Variants in PIWIL2 observed in about 807,000 individuals in gnomAD.
PIWIL2 encodes the protein piwi like RNA-mediated gene silencing 2.
PIWIL2 carries 81 observed loss-of-function variants against 116.5 expected under a neutral mutation model. That is an observed-to-expected ratio of 0.70 (90% confidence interval 0.58 to 0.84). The LOEUF (loss-of-function observed/expected upper bound fraction) is 0.84, where lower values mean the gene tolerates loss of function less well. Ranked by LOEUF, PIWIL2 falls within the 40% of genes least tolerant of loss-of-function variation. The pLI, the probability that PIWIL2 is intolerant of heterozygous loss-of-function variation, is 0.00. For missense variants in PIWIL2, 1,272 were observed against 1,212.3 expected, an observed-to-expected ratio of 1.05 and a Z score of -0.73; for synonymous variants, 489 against 429.5, an observed-to-expected ratio of 1.14 and a Z score of -1.71.
rs543760209 is a variant in PIWIL2 at position 22,284,153 on chromosome 8, A to G, written c.633-9A>G. 16 of 1,512,912 alleles carry G rather than the reference A, an allele frequency of 1.1e-5. No homozygotes were observed. Among genetic ancestry groups the G allele is most frequent in the Middle Eastern group, 1.8e-4 (1 of 5,576 alleles). 93.7% of individuals were successfully genotyped at this position (1,512,912 alleles called of 1,614,324 possible). A position where few individuals can be genotyped will look rare whatever the true frequency, so the allele number is the denominator to read the frequency against. ...ATATATGCAGTTGCTTTTTGTTTTT[A>G]TTTTCTAGAGAGCTTATTGTGAAGC... is the stretch of plus-strand genomic sequence containing the variant. On this transcript the variant is annotated splice_polypyrimidine_tract_variant and intron_variant, in intron 5 of 22. Coordinates refer to ENST00000356766, the MANE Select transcript of PIWIL2 (RefSeq NM_018068.5).
rs1832488308 is a variant in PIWIL2, at chr8:22,356,224, C to G, written c.*719C>G. ...TGCCTGAAGAGAATTACTCAGGCAA[C>G]TGGGAAAGGCAGTGGAAGGTCTGTG... On this transcript the variant is annotated 3_prime_UTR_variant, in exon 23 of 23. Transcript: ENST00000356766. 6.6e-6 allele frequency: 1 copy of G among 152,128 alleles called. No homozygotes were observed. Among genetic ancestry groups the G allele is most frequent in the Admixed American group, 6.5e-5 (1 of 15,272 alleles). 9.4% of individuals were successfully genotyped at this position (152,128 alleles called of 1,614,324 possible).
intron 10 of PIWIL2, among the ~76,000 whole-genome samples, chr8:22,292,018 G>A (rs1396649191): frequency 6.6e-6 from 1 of 152,152 alleles, no homozygotes; most frequent in Non-Finnish European, 1.5e-5. Flanking sequence ...GCTTGAAAGA[G>A]GTAAGAGGTT....
intron 2 of PIWIL2, among the ~76,000 whole-genome samples, chr8:22,280,242 A>G (rs946770051): frequency 2.0e-5 from 3 of 152,154 alleles, no homozygotes; most frequent in Admixed American, 1.3e-4. Flanking sequence ...TTTTGGCTCT[A>G]TGATATTAGC....
chr8:22,308,204 T>A, intron 14 of PIWIL2, 131 bp downstream of exon 14: 1 of 782,394 alleles, frequency 1.3e-6, no homozygotes, highest in Non-Finnish European at 1.9e-6. Context: ...TAAGTTTTTT[T>A]TTTTTTTTTG....
At chr8:22,328,191 G>T (rs1182653088) in intron 20 of PIWIL2, among the ~76,000 whole-genome samples, 1 of 152,098 alleles carries the variant, frequency 6.6e-6, no homozygotes, top group African/African-American at 2.4e-5. Flanking sequence ...TTCGTTGAGA[G>T]AATTCCCCAT....
intron 8 of PIWIL2, among the ~76,000 whole-genome samples, chr8:22,289,083 C>T (rs1830695745): frequency 6.6e-6 from 1 of 151,738 alleles, no homozygotes; most frequent in Admixed American, 6.6e-5. Context: ...TTGAAACATC[C>T]TAGTTTTCAT....
intron 7 of PIWIL2, 126 bp downstream of exon 7, chr8:22,287,771 C>T: frequency 1.5e-6 from 1 of 681,696 alleles, no homozygotes; most frequent in South Asian, 1.6e-5. Context: ...ATTCCCAAAG[C>T]CCTGGGACTA....
chr8:22,317,530 A>G (rs1831489499), intron 19 of PIWIL2, among the ~76,000 whole-genome samples: 1 of 152,052 alleles, frequency 6.6e-6, no homozygotes, highest in Non-Finnish European at 1.5e-5. Flanking sequence ...GCTGCTCAGA[A>G]TTTATTCTGT....
chr8:22,319,056 G>A (rs891343934), intron 20 of PIWIL2, among the ~76,000 whole-genome samples: 1 of 152,168 alleles, frequency 6.6e-6, no homozygotes, highest in Admixed American at 6.5e-5. Flanking sequence ...ACTGGATCTA[G>A]AACAGTGAGC....
chr8:22,285,265 C>T (rs1430449222), intron 6 of PIWIL2, among the ~76,000 whole-genome samples: 40 of 151,388 alleles, frequency 2.6e-4, no homozygotes, highest in Admixed American at 2.6e-3. Flanking sequence ...CCTTCCTACT[C>T]TCTGTTCACA....
chr8:22,335,575 T>C lies in PIWIL2; in HGVS notation c.2403+17300T>C, dbSNP rs192698081. 2.9e-4 allele frequency among the ~76,000 whole-genome samples: 41 copies of C among 142,784 alleles called. 1 individual carries two copies. Among genetic ancestry groups the C allele is most frequent in the African/African-American group, 8.3e-4 (32 of 38,454 alleles). The allele number at this position is 142,784 out of a possible 152,430, so 93.7% of individuals were successfully genotyped here. A position where few individuals can be genotyped will look rare whatever the true frequency, so the allele number is the denominator to read the frequency against. ...TTTTTTTTTTTTTTTTGAGACGCAG[T>C]CTTGCTCTGTTGCTCAGGCTGGAGT... On this transcript the variant is annotated intron_variant, in intron 20 of 22. Transcript: ENST00000356766.
In PIWIL2 at chr8:22,311,301, G is replaced by A; in HGVS notation, c.1989+1G>A. 1 of 1,591,926 alleles carries A rather than the reference G, an allele frequency of 6.3e-7. No individual in the cohort carries two copies. Among genetic ancestry groups the A allele is most frequent in the South Asian group, 1.1e-5 (1 of 87,446 alleles). On this transcript the variant is annotated splice_donor_variant, in intron 16 of 22. Coordinates refer to ENST00000356766, the MANE Select transcript of PIWIL2 (RefSeq NM_018068.5). LOFTEE classifies it high-confidence loss of function. Reference sequence around the variant, plus strand: ...CATTCAATCCACGTTAGGAGCTGAGGTAAAAATGTAATTCAAATAAATTTA... The same window carrying A: ...CATTCAATCCACGTTAGGAGCTGAGATAAAAATGTAATTCAAATAAATTTA...
At chr8:22,331,330 T>C (rs1831857642) in intron 20 of PIWIL2, among the ~76,000 whole-genome samples, 1 of 151,962 alleles carries the variant, frequency 6.6e-6, no homozygotes, top group Admixed American at 6.6e-5. Context: ...ATCTCGTCTC[T>C]ACAAAAAAGA....
intron 20 of PIWIL2, among the ~76,000 whole-genome samples, chr8:22,324,425 T>C (rs902172770): frequency 1.8e-4 from 28 of 152,136 alleles, no homozygotes; most frequent in African/African-American, 6.8e-4. Context: ...GCAGCAATAC[T>C]AGCCTAGCAA....
chr8:22,336,721 C>T (rs180931779), intron 20 of PIWIL2, among the ~76,000 whole-genome samples: 2 of 152,146 alleles, frequency 1.3e-5, no homozygotes, highest in Admixed American at 6.6e-5. Flanking sequence ...GCTTGGGTAA[C>T]ATAGTGAGAC....
intron 16 of PIWIL2, among the ~76,000 whole-genome samples, chr8:22,313,437 G>C (rs1190211401): frequency 6.6e-6 from 1 of 152,158 alleles, no homozygotes; most frequent in Non-Finnish European, 1.5e-5. Flanking sequence ...ATGTTTAAAT[G>C]TTAATTTAAA....
At chr8:22,313,353 C>T (rs566766944) in intron 16 of PIWIL2, among the ~76,000 whole-genome samples, 28 of 152,206 alleles carry the variant, frequency 1.8e-4, no homozygotes, top group Admixed American at 1.2e-3. Context: ...CCCAGGATTG[C>T]CAAAATGATT....
Position 22,315,022 on chromosome 8 carries a change from A to G in PIWIL2, c.2092-7A>G, listed in dbSNP as rs201716037. The G allele has an allele frequency of 2.5e-6, 4 of 1,582,834 alleles. No homozygotes were observed. Among genetic ancestry groups the G allele is most frequent in the Non-Finnish European group, 3.5e-6 (4 of 1,151,636 alleles). On this transcript the variant is annotated splice_polypyrimidine_tract_variant and splice_region_variant and intron_variant, in intron 17 of 22. Transcript: ENST00000356766. The stretch of plus-strand genomic sequence containing the variant: ...TCTCCTGACACCTTTTGGTCCCTTC[A>G]TTATAGGTTGTCAATGTTCGAACCA...
intron 16 of PIWIL2, among the ~76,000 whole-genome samples, 156 bp downstream of exon 16, chr8:22,311,456 A>G (rs1303700085): frequency 6.6e-6 from 1 of 152,156 alleles, no homozygotes; most frequent in Non-Finnish European, 1.5e-5. Flanking sequence ...AGTGTTCTTT[A>G]TGCCCTTTGG....
Sources: gnomAD v4.1 joint callset for allele counts (sites outside exome capture counted in the v4.1 genomes callset) on GRCh38, gnomAD v4.1.1 for gene constraint, MANE v1.5 for transcripts, NCBI Gene and HGNC (gene_info 2026-07-23, HGNC 2026-07-21) for gene names.